Variants in MICAL2 observed in about 807,000 individuals in gnomAD.
The protein encoded by MICAL2 is [F-actin]-monooxygenase MICAL2.
Under a neutral mutation model 127.3 loss-of-function variants are expected in MICAL2, and 77 were observed. The observed-to-expected ratio is 0.60, with a 90% confidence interval of 0.50 to 0.73. MICAL2 has a LOEUF of 0.73. MICAL2 is among the 30% of genes least tolerant of loss of function. The pLI, the probability that MICAL2 is intolerant of heterozygous loss-of-function variation, is 0.00. For missense variants in MICAL2, 1,351 were observed against 1,434.4 expected, an observed-to-expected ratio of 0.94 and a Z score of 0.94; for synonymous variants, 570 against 551.1, an observed-to-expected ratio of 1.03 and a Z score of -0.48.
chr11:12,336,663 G>C (rs1232507074), intron 32 of MICAL2, among the ~76,000 whole-genome samples: 1 of 151,756 alleles, frequency 6.6e-6, no homozygotes, highest in Non-Finnish European at 1.5e-5. Context: ...TTAGCATGAA[G>C]GGTTGTTGAA....
downstream of MICAL2, among the ~76,000 whole-genome samples, chr11:12,264,618 C>T (rs1203577950): frequency 6.6e-6 from 1 of 152,120 alleles, no homozygotes; most frequent in East Asian, 1.9e-4. Flanking sequence ...TCATGAGGTC[C>T]CTGGCACCTC....
chr11:12,237,360 G>A (rs570577601), intron 16 of MICAL2, among the ~76,000 whole-genome samples: 2 of 152,320 alleles, frequency 1.3e-5, no homozygotes, highest in Non-Finnish European at 2.9e-5. Context: ...GTGTAAGCAA[G>A]AAGCCAGCAA....
chr11:12,228,971 C>T (rs962037919), intron 15 of MICAL2, among the ~76,000 whole-genome samples: 8 of 152,150 alleles, frequency 5.3e-5, no homozygotes, highest in Admixed American at 1.3e-4. Flanking sequence ...CTTGCCTGCC[C>T]TCTCCAGGAT....
At chr11:12,162,012 T>A in intron 2 of MICAL2, 67 bp from the exon 3 acceptor site, 1 of 1,084,904 alleles carries the variant, frequency 9.2e-7, no homozygotes, top group Non-Finnish European at 1.3e-6. Flanking sequence ...TTTTTACTTC[T>A]CAGCACCCAT....
rs573354499 is a variant in MICAL2, at chr11:12,117,258, G to A, written c.-149+6532G>A. ...CTGGCAGCAAGAGGAGGGCAGCAAG[G>A]GGTTGGACGGTGGTCCCTGGCCTCT... On this transcript the variant is annotated intron_variant, in intron 1 of 27. Coordinates refer to ENST00000683283, the MANE Select transcript of MICAL2 (RefSeq NM_001282663.2). 2.0e-4 allele frequency among the ~76,000 whole-genome samples: 31 copies of A among 152,324 alleles called. No homozygotes were observed. The South Asian group carries it at 5.8e-3, about 28-fold the overall frequency.
At chr11:12,139,567 G>T (rs941775913) in intron 2 of MICAL2, among the ~76,000 whole-genome samples, 1 of 152,154 alleles carries the variant, frequency 6.6e-6, no homozygotes, top group Non-Finnish European at 1.5e-5. Context: ...GGGATCACGT[G>T]GGGTGAGGAG....
Position 12,256,928 on chromosome 11 carries a change from C to G in MICAL2, c.3099C>G (p.Ala1033=), listed in dbSNP as rs141669526. 3 of 1,613,976 alleles carry G rather than the reference C, an allele frequency of 1.9e-6. No homozygotes were observed. The highest frequency in any genetic ancestry group is 8.5e-7 in the Non-Finnish European group (1 of 1,179,982). The change falls in exon 24 of 28, where the codon GCC becomes GCG. Residue 1033 remains alanine (A), a synonymous_variant. Coordinates refer to ENST00000683283, the MANE Select transcript of MICAL2 (RefSeq NM_001282663.2). Reference sequence around the variant, plus strand: ...AGTGTTTCCGCTGCAGCATCTGTGCCACCACCTTGCGCCTGGCCGCCTACA... The same window carrying G: ...AGTGTTTCCGCTGCAGCATCTGTGCGACCACCTTGCGCCTGGCCGCCTACA... ...HRECFRCSIC[A]TTLRLAAYTF... is the part of the protein sequence containing the mutation.
chr11:12,182,953 T>C (rs1857662800), intron 3 of MICAL2, among the ~76,000 whole-genome samples: 1 of 152,178 alleles, frequency 6.6e-6, no homozygotes, highest in African/African-American at 2.4e-5. Flanking sequence ...AACCCATTAA[T>C]CATTGTCCTC....
intron 30 of MICAL2, among the ~76,000 whole-genome samples, chr11:12,323,261 A>G (rs143810633): frequency 6.6e-6 from 1 of 152,338 alleles, no homozygotes; most frequent in Non-Finnish European, 1.5e-5. Flanking sequence ...CAGTGACAGT[A>G]ATGCTATAAT....
At chr11:12,267,758 C>G (rs1272193380), downstream of MICAL2, among the ~76,000 whole-genome samples, 1 of 152,184 alleles carries the variant, frequency 6.6e-6, no homozygotes, top group East Asian at 1.9e-4. Context: ...CCCGCCACCA[C>G]ACCCAGCTAA....
chr11:12,137,626 G>A (rs1048386673), intron 1 of MICAL2, among the ~76,000 whole-genome samples: 2 of 152,026 alleles, frequency 1.3e-5, no homozygotes, highest in African/African-American at 4.8e-5. Flanking sequence ...TGTGTGTGGG[G>A]GGCACCACTC....
chr11:12,279,739 G>A (rs990391032), intron 1 of MICAL2, among the ~76,000 whole-genome samples: 7 of 152,140 alleles, frequency 4.6e-5, no homozygotes, highest in East Asian at 1.9e-4. Flanking sequence ...CATGGAACTC[G>A]GCTACTGAGG....
chr11:12,304,660 A>ATG (rs1864088055), intron 29 of MICAL2, among the ~76,000 whole-genome samples: 2 of 150,704 alleles, frequency 1.3e-5, no homozygotes, highest in Non-Finnish European at 3.0e-5. Flanking sequence ...ACACACACAC[A>ATG]CACACACACA....
chr11:12,292,305 T>C, downstream of MICAL2: 1 of 1,613,878 alleles, frequency 6.2e-7, no homozygotes, highest in Non-Finnish European at 8.5e-7. Flanking sequence ...CAGGTGAGTG[T>C]CCCTGAGGGT....
At chr11:12,345,131 A>G (rs961519033) in intron 32 of MICAL2, among the ~76,000 whole-genome samples, 1 of 151,020 alleles carries the variant, frequency 6.6e-6, no homozygotes, top group African/African-American at 2.5e-5. Context: ...AAAAAAAGAA[A>G]AAAGAAAGAA....
chr11:12,229,887 T>C (rs1003563790), intron 15 of MICAL2, among the ~76,000 whole-genome samples: 1 of 152,230 alleles, frequency 6.6e-6, no homozygotes, highest in African/African-American at 2.4e-5. Context: ...GGCCCACAGA[T>C]CTGTCCTCTC....
intron 16 of MICAL2, 38 bp from the exon 17 acceptor site, chr11:12,239,398 A>G: frequency 6.2e-7 from 1 of 1,612,890 alleles, no homozygotes; most frequent in Non-Finnish European, 8.5e-7. Context: ...TCCAGATTCC[A>G]GGATCCAACC....
chr11:12,155,313 T>TAC (rs558538340), intron 2 of MICAL2, among the ~76,000 whole-genome samples: 2 of 152,064 alleles, frequency 1.3e-5, no homozygotes, highest in African/African-American at 2.4e-5. Context: ...TACATGTACA[T>TAC]ACACACACAC....
chr11:12,135,996 G>A (rs972869371), intron 1 of MICAL2, among the ~76,000 whole-genome samples: 9 of 152,256 alleles, frequency 5.9e-5, no homozygotes, highest in Admixed American at 3.3e-4. Context: ...AGGGCCTGGA[G>A]GCTCCAGGCC....
Sources: gnomAD v4.1 joint callset for allele counts (sites outside exome capture counted in the v4.1 genomes callset) on GRCh38, gnomAD v4.1.1 for gene constraint, MANE v1.5 for transcripts, NCBI Gene and HGNC (gene_info 2026-07-23, HGNC 2026-07-21) for gene names.